AGBL1: variants seen among roughly 807,000 people sequenced by gnomAD.
AGBL1 encodes AGBL carboxypeptidase 1.
Under a neutral mutation model 118.9 loss-of-function variants are expected in AGBL1, and 130 were observed. The observed-to-expected ratio is 1.09, with a 90% CI of 0.95 to 1.26. AGBL1 has a LOEUF of 1.26. Among genes scored for constraint, AGBL1 ranks in the 50% most tolerant of loss-of-function variants. The pLI is 0.00. For synonymous variants in AGBL1, 555 were observed against 478.9 expected, an observed-to-expected ratio of 1.16 and a Z score of -2.08; for missense variants, 1,584 against 1,298.1, an observed-to-expected ratio of 1.22 and a Z score of -3.38.
intron 22 of AGBL1, among the ~76,000 whole-genome samples, chr15:86,678,969 G>A (rs1185378140): frequency 2.0e-5 from 3 of 151,992 alleles, no homozygotes; most frequent in Admixed American, 6.6e-5. Context: ...CCAAGAGCAC[G>A]TAGCTTTTAA....
intron 16 of AGBL1, 97 bp downstream of exon 16, chr15:86,279,880 G>A (rs2079321507): frequency 2.7e-6 from 4 of 1,458,828 alleles, no homozygotes; most frequent in African/African-American, 1.4e-5. Flanking sequence ...CTGATGGGGT[G>A]CAGAGGGGAA....
intron 18 of AGBL1, among the ~76,000 whole-genome samples, chr15:86,510,167 C>T (rs28677802): frequency 0.61 from 92,144 of 151,938 alleles, 28,652 homozygotes; most frequent in East Asian, 0.77. Flanking sequence ...GTACCTGTGT[C>T]CCGTGTCCTA....
At chr15:86,998,858 T>C (rs2081405097) in intron 24 of AGBL1, among the ~76,000 whole-genome samples, 1 of 151,074 alleles carries the variant, frequency 6.6e-6, no homozygotes, top group Non-Finnish European at 1.5e-5. Context: ...TTTTCTTTTA[T>C]ATATATATAT....
intron 18 of AGBL1, among the ~76,000 whole-genome samples, chr15:86,407,452 A>T (rs2081545481): frequency 6.6e-6 from 1 of 152,132 alleles, no homozygotes; most frequent in South Asian, 2.1e-4. Flanking sequence ...GGGAAGTGGT[A>T]AGTGCCCAAT....
At chr15:86,867,191 T>C (rs1221497578) in intron 22 of AGBL1, among the ~76,000 whole-genome samples, 2 of 152,178 alleles carry the variant, frequency 1.3e-5, no homozygotes, top group Non-Finnish European at 2.9e-5. Context: ...TTCACAATCA[T>C]AAATGGTAGG....
rs71460469 is a variant in AGBL1 at position 86,298,286 on chromosome 15, C to CTATATATATATATATATGGTAACTA, written c.2374+2889_2374+2890insATATATGGTAACTATATATATATAT. Among the ~76,000 whole-genome samples the CTATATATATATATATATGGTAACTA allele has an allele frequency of 4.3e-4, 27 of 63,066 alleles. 1 individual carries two copies. Among genetic ancestry groups the CTATATATATATATATATGGTAACTA allele is most frequent in the African/African-American group, 1.0e-3 (17 of 16,870 alleles). The allele number at this position is 63,066 out of a possible 152,430, so 41.4% of individuals were successfully genotyped here. Reference sequence around the variant, plus strand: ...ATATATATATATATATATATGGTAACTATATATATATGGTAGCTATATATA... The same window carrying CTATATATATATATATATGGTAACTA: ...ATATATATATATATATATATGGTAACTATATATATATATATATGGTAACTATATATATATATGGTAGCTATATATA... On this transcript the variant is annotated intron_variant, in intron 17 of 22. Coordinates refer to ENST00000614907, the MANE Select transcript of AGBL1 (RefSeq NM_001386094.1).
chr15:86,611,818 T>C (rs1029572534), intron 21 of AGBL1, among the ~76,000 whole-genome samples: 8 of 152,086 alleles, frequency 5.3e-5, no homozygotes, highest in Non-Finnish European at 8.8e-5. Flanking sequence ...TGAAAAAACC[T>C]CAGAGGCGGA....
chr15:86,417,249 T>C (rs1030175525), intron 18 of AGBL1, among the ~76,000 whole-genome samples: 3 of 152,210 alleles, frequency 2.0e-5, no homozygotes, highest in African/African-American at 7.2e-5. Flanking sequence ...GCTTCTATCC[T>C]TCATGCCACA....
At chr15:86,886,069 A>G (rs950448106) in intron 22 of AGBL1, among the ~76,000 whole-genome samples, 2 of 152,206 alleles carry the variant, frequency 1.3e-5, no homozygotes, top group South Asian at 4.1e-4. Context: ...ATAGCCTCTT[A>G]AACATCCACC....
At chr15:86,364,335 A>C (rs1382633116) in intron 17 of AGBL1, among the ~76,000 whole-genome samples, 7 of 152,192 alleles carry the variant, frequency 4.6e-5, no homozygotes, top group African/African-American at 1.7e-4. Flanking sequence ...AACCCAATGA[A>C]GTAGGTACTG....
chr15:86,185,272 A>T (rs1000384609), intron 5 of AGBL1, among the ~76,000 whole-genome samples: 1 of 152,196 alleles, frequency 6.6e-6, no homozygotes, highest in African/African-American at 2.4e-5. Flanking sequence ...GCTGGAGAGG[A>T]TGTGGCAAAA....
chr15:86,709,346 C>A lies in AGBL1; in HGVS notation c.3158+34910C>A, dbSNP rs549348625. ...TGTCTTATGTTTAGGAGGAATTTTTCAAAAAGCAGGTGGGGAAGGCAGGGG... is the reference window on the plus strand; with the variant it reads ...TGTCTTATGTTTAGGAGGAATTTTTAAAAAAGCAGGTGGGGAAGGCAGGGG... On this transcript the variant is annotated intron_variant, in intron 22 of 22. Transcript: ENST00000614907. 2.7e-5 allele frequency among the ~76,000 whole-genome samples: 4 copies of A among 146,582 alleles called. No homozygotes were observed. The Admixed American group carries it at 2.8e-4, about 10-fold the overall frequency.
At chr15:86,196,369 C>A (rs889322435) in intron 5 of AGBL1, among the ~76,000 whole-genome samples, 2 of 152,134 alleles carry the variant, frequency 1.3e-5, no homozygotes, top group African/African-American at 2.4e-5. Flanking sequence ...GTCCTGAAAT[C>A]TACAATAGCA....
downstream of AGBL1, among the ~76,000 whole-genome samples, chr15:86,916,402 T>A (rs1024472781): frequency 2.0e-5 from 3 of 152,152 alleles, no homozygotes; most frequent in Non-Finnish European, 4.4e-5. Flanking sequence ...TTCCTATTGA[T>A]GTCCTGGACT....
rs1021483114 is a variant in AGBL1, at chr15:86,817,654, C to G, written c.3159-89433C>G. 7.0e-4 allele frequency among the ~76,000 whole-genome samples: 106 copies of G among 151,590 alleles called. 1 individual carries two copies. Among genetic ancestry groups the G allele is most frequent in the African/African-American group, 2.3e-3 (95 of 41,326 alleles). ...ACACACACACACACACACAGACACACACACACACACACAGAAAGAGACAGG... is the reference window on the plus strand; with the variant it reads ...ACACACACACACACACACAGACACAGACACACACACACAGAAAGAGACAGG... On this transcript the variant is annotated intron_variant, in intron 22 of 22. Coordinates refer to ENST00000614907, the MANE Select transcript of AGBL1 (RefSeq NM_001386094.1).
chr15:86,774,196 CCT>C (rs1286191543), intron 22 of AGBL1, among the ~76,000 whole-genome samples: 1 of 152,042 alleles, frequency 6.6e-6, no homozygotes, highest in East Asian at 1.9e-4. Flanking sequence ...GTATTGTGCC[CCT>C]GTTTTTCCCT....
At chr15:86,191,515 A>G (rs1275953195) in intron 5 of AGBL1, among the ~76,000 whole-genome samples, 3 of 152,120 alleles carry the variant, frequency 2.0e-5, no homozygotes, top group African/African-American at 7.2e-5. Flanking sequence ...AGAAAAAGTC[A>G]AAGAGATTAA....
chr15:86,705,538 A>G (rs1039234307), intron 22 of AGBL1, among the ~76,000 whole-genome samples: 3 of 152,214 alleles, frequency 2.0e-5, no homozygotes, highest in African/African-American at 7.2e-5. Flanking sequence ...ACTGGAAAGT[A>G]TGTTTATCAT....
At chr15:87,011,181 C>CCAT (rs1366236743) in intron 24 of AGBL1, among the ~76,000 whole-genome samples, 1 of 151,948 alleles carries the variant, frequency 6.6e-6, no homozygotes, top group Non-Finnish European at 1.5e-5. Context: ...TCCCTTCTTC[C>CCAT]CATCTGCCAG....
Sources: allele counts gnomAD v4.1 joint callset (sites outside exome capture counted in the v4.1 genomes callset), GRCh38; gene constraint gnomAD v4.1.1; transcripts MANE v1.5; gene names NCBI Gene and HGNC (gene_info 2026-07-23, HGNC 2026-07-21).